The following IKZF2 variants were observed in gnomAD, a reference collection of about 807,000 sequenced individuals.
IKZF2 encodes the protein zinc finger protein Helios.
IKZF2 carries 15 observed loss-of-function variants against 49.2 expected under a neutral mutation model. The ratio of observed to expected loss-of-function variants is 0.30; its 90% CI spans 0.20 to 0.47. The LOEUF (loss-of-function observed/expected upper bound fraction) is 0.47, where lower values mean the gene tolerates loss of function less well. Ranked by LOEUF, IKZF2 falls within the 20% of genes least tolerant of loss-of-function variation. The pLI, the probability that IKZF2 is intolerant of heterozygous loss-of-function variation, is 1.00. For synonymous variants in IKZF2, 227 were observed against 221.4 expected (o/e 1.03, Z -0.23); for missense variants, 567 against 664.6 (o/e 0.85, Z 1.61).
chr2:213,124,404 G>A (rs1305056461), intron 4 of IKZF2, among the ~76,000 whole-genome samples: 1 of 152,054 alleles, frequency 6.6e-6, no homozygotes, highest in Non-Finnish European at 1.5e-5. Context: ...TGTGCAGAAG[G>A]GGGAAAGGGA....
intron 4 of IKZF2, among the ~76,000 whole-genome samples, chr2:213,143,364 A>G (rs56792531): frequency 0.1 from 15,287 of 151,966 alleles, 1,622 homozygotes; most frequent in African/African-American, 0.27. Context: ...CTCAGTACTA[A>G]GCAGACTAAA....
chr2:213,035,372 A>G (rs1178417768), intron 6 of IKZF2, among the ~76,000 whole-genome samples: 1 of 152,142 alleles, frequency 6.6e-6, no homozygotes, highest in East Asian at 1.9e-4. Flanking sequence ...GCAGTCCACA[A>G]TCTCACAGAG....
intron 4 of IKZF2, among the ~76,000 whole-genome samples, chr2:213,110,897 CTT>C (rs2059683864): frequency 6.6e-6 from 1 of 151,884 alleles, no homozygotes; most frequent in South Asian, 2.1e-4. Context: ...TTAAGAAAAA[CTT>C]TATATGTGTA....
intron 4 of IKZF2, among the ~76,000 whole-genome samples, chr2:213,146,758 T>TTGGGG (rs2061076685): frequency 1.0e-4 from 1 of 9,776 alleles, no homozygotes; most frequent in Non-Finnish European, 2.4e-4. Flanking sequence ...TATTAAATCT[T>TTGGGG]CGGGGGGGGG....
chr2:213,092,606 C>T (rs1705483090), intron 4 of IKZF2, among the ~76,000 whole-genome samples: 1 of 152,106 alleles, frequency 6.6e-6, no homozygotes, highest in South Asian at 2.1e-4. Context: ...GATCCTGTTT[C>T]CTTTGGTGCC....
chr2:213,053,278 C>G (rs1700845047), intron 5 of IKZF2, among the ~76,000 whole-genome samples: 1 of 152,030 alleles, frequency 6.6e-6, no homozygotes, highest in South Asian at 2.1e-4. Flanking sequence ...ATATCTCAAT[C>G]TGTTGTTTTG....
intron 6 of IKZF2, among the ~76,000 whole-genome samples, chr2:213,043,607 A>G (rs1282928729): frequency 2.0e-5 from 3 of 152,212 alleles, no homozygotes; most frequent in Non-Finnish European, 4.4e-5. Flanking sequence ...CAGTTTTTCC[A>G]CAAATGACAG....
At chr2:213,126,288 T>C (rs1043752244) in intron 4 of IKZF2, among the ~76,000 whole-genome samples, 2 of 152,182 alleles carry the variant, frequency 1.3e-5, no homozygotes, top group African/African-American at 4.8e-5. Context: ...TTTTCCCATT[T>C]CTTCACACCC....
At chr2:213,066,832 A>G (rs998471784) in intron 4 of IKZF2, among the ~76,000 whole-genome samples, 20 of 152,112 alleles carry the variant, frequency 1.3e-4, no homozygotes, top group African/African-American at 4.8e-4. Flanking sequence ...AAAGCATCCT[A>G]TGAAGTATTT....
At chr2:213,076,527 T>C (rs904544078) in intron 4 of IKZF2, among the ~76,000 whole-genome samples, 1 of 152,216 alleles carries the variant, frequency 6.6e-6, no homozygotes, top group Non-Finnish European at 1.5e-5. Context: ...AAATGAAATA[T>C]GTATGTGAAG....
intron 4 of IKZF2, among the ~76,000 whole-genome samples, chr2:213,146,620 T>C (rs2061069276): frequency 6.6e-6 from 1 of 151,972 alleles, no homozygotes; most frequent in Non-Finnish European, 1.5e-5. Flanking sequence ...TTACTAAGCT[T>C]GCAGTTTTAT....
At chr2:213,083,301 C>G (rs575246335) in intron 4 of IKZF2, among the ~76,000 whole-genome samples, 2 of 151,818 alleles carry the variant, frequency 1.3e-5, no homozygotes, top group East Asian at 3.9e-4. Context: ...GTATTTACAG[C>G]ACTTCCCATC....
At chr2:213,082,106 T>G (rs1247637077) in intron 4 of IKZF2, among the ~76,000 whole-genome samples, 1 of 152,186 alleles carries the variant, frequency 6.6e-6, no homozygotes, top group Non-Finnish European at 1.5e-5. Flanking sequence ...TGATGAAATA[T>G]CTAGGATTTT....
chr2:213,119,494 G>A (rs1343288501), intron 4 of IKZF2, among the ~76,000 whole-genome samples: 5 of 152,138 alleles, frequency 3.3e-5, no homozygotes, highest in Non-Finnish European at 7.4e-5. Flanking sequence ...AGATGAAAGT[G>A]TGGGAGACAA....
intron 6 of IKZF2, among the ~76,000 whole-genome samples, chr2:213,036,530 A>T (rs183558682): frequency 6.6e-6 from 1 of 152,312 alleles, no homozygotes; most frequent in African/African-American, 2.4e-5. Context: ...CAAATAAAAT[A>T]ATCTGTCCAT....
At chr2:213,080,875 C>A (rs1472243227) in intron 4 of IKZF2, among the ~76,000 whole-genome samples, 1 of 152,034 alleles carries the variant, frequency 6.6e-6, no homozygotes, top group Non-Finnish European at 1.5e-5. Flanking sequence ...CTTCTCTAAT[C>A]CATTTAATAA....
At chr2:213,123,281 A>G (rs2060116935) in intron 4 of IKZF2, among the ~76,000 whole-genome samples, 1 of 152,208 alleles carries the variant, frequency 6.6e-6, no homozygotes, top group Non-Finnish European at 1.5e-5. Flanking sequence ...ATCTCCCTAT[A>G]GCCTTCTTCA....
At chr2:213,112,357 T>TTTTTTTTTTTTTTTGAGACAG (rs1169748861) in intron 4 of IKZF2, among the ~76,000 whole-genome samples, 1 of 149,194 alleles carries the variant, frequency 6.7e-6, no homozygotes, top group Non-Finnish European at 1.5e-5. Flanking sequence ...AATATATTTT[T>TTTTTTTTTTTTTTTGAGACAG]ATTGCAACTC....
At chr2:213,089,134 A>G (rs1431378993) in intron 4 of IKZF2, among the ~76,000 whole-genome samples, 2 of 152,204 alleles carry the variant, frequency 1.3e-5, no homozygotes, top group African/African-American at 4.8e-5. Flanking sequence ...CATTTCCCCA[A>G]GTCAGTAAGT....
Sources: allele counts gnomAD v4.1 joint callset (sites outside exome capture counted in the v4.1 genomes callset), GRCh38; gene constraint gnomAD v4.1.1; transcripts MANE v1.5; gene names NCBI Gene and HGNC (gene_info 2026-07-23, HGNC 2026-07-21).